Variants in UVSSA observed in about 807,000 individuals in gnomAD.
UVSSA encodes the protein UV-stimulated scaffold protein A.
A neutral mutation model predicts 73.9 loss-of-function variants in UVSSA; 72 were observed. The ratio of observed to expected loss-of-function variants is 0.97; its 90% CI spans 0.81 to 1.19. The LOEUF is 1.19. UVSSA is among the 50% of genes most tolerant of loss of function. The pLI is 0.00. For synonymous variants in UVSSA, 454 were observed against 391.3 expected (o/e 1.16, Z -1.89); for missense variants, 1,150 against 965.0 (o/e 1.19, Z -2.54).
chr4:1,348,300 C>A (rs1002496895), intron 2 of UVSSA, 111 bp downstream of exon 2: 2 of 811,728 alleles, frequency 2.5e-6, no homozygotes, highest in South Asian at 1.5e-5. Flanking sequence ...AGGGACACAC[C>A]CAGGACATTT....
At chr4:1,374,586 C>T (rs563136973) in intron 8 of UVSSA, among the ~76,000 whole-genome samples, 49 of 152,350 alleles carry the variant, frequency 3.2e-4, no homozygotes, top group African/African-American at 9.6e-4. Context: ...GTTGGTGAGA[C>T]GCAGCGCCAT....
intron 3 of UVSSA, 51 bp downstream of exon 3, chr4:1,349,905 G>C: frequency 6.9e-7 from 1 of 1,442,618 alleles, no homozygotes; most frequent in East Asian, 2.4e-5. Context: ...GACGTGAGGA[G>C]GGCAGACGAT....
chr4:1,380,793 T>A (rs751386022), intron 11 of UVSSA, 87 bp from the exon 12 acceptor site: 8 of 1,589,796 alleles, frequency 5.0e-6, no homozygotes, highest in Non-Finnish European at 6.0e-6. Context: ...CTGGTCGCTG[T>A]TTGTGCCCAA....
In UVSSA at chr4:1,347,276, C is replaced by G. The variant is rs935073125; in HGVS notation, c.-487C>G. 1 of 143,998 alleles carries G rather than the reference C, an allele frequency of 6.9e-6. No individual in the cohort carries two copies. Among genetic ancestry groups the G allele is most frequent in the Non-Finnish European group, 1.6e-5 (1 of 62,954 alleles). The allele number at this position is 143,998 out of a possible 1,614,324, so 8.9% of individuals were successfully genotyped here. On this transcript the variant is annotated 5_prime_UTR_variant, in exon 1 of 14. Transcript: ENST00000389851. ...CTGCCGGGCGGGGGTCGCGCCGGTT[C>G]GGTCCCCGGGGCTCTGCGGGCGCCG...
chr4:1,350,821 C>T (rs1375177573), intron 3 of UVSSA, among the ~76,000 whole-genome samples: 8 of 151,712 alleles, frequency 5.3e-5, no homozygotes, highest in Non-Finnish European at 7.4e-5. Context: ...CTCTTGGCCA[C>T]GCATGGGTGC....
exon 14 of UVSSA, chr4:1,395,668 C>G (rs758148371): frequency 6.7e-7 from 1 of 1,496,816 alleles, no homozygotes; most frequent in Non-Finnish European, 9.0e-7. Context: ...CCTGCCTGCT[C>G]ACACACGTGC....
chr4:1,355,618 C>A (rs546997904), intron 7 of UVSSA, among the ~76,000 whole-genome samples: 11 of 152,328 alleles, frequency 7.2e-5, no homozygotes, highest in African/African-American at 2.4e-4. Flanking sequence ...AGAGGAGAGA[C>A]CCTCGGCAAA....
chr4:1,353,121 G>A lies in UVSSA; in HGVS notation c.642G>A (p.Thr214=), dbSNP rs144411768. 9.9e-6 allele frequency: 16 copies of A among 1,613,054 alleles called. No homozygotes were observed. The highest frequency in any genetic ancestry group is 4.0e-5 in the African/African-American group (3 of 75,066). ...VPFDFDPNPE[T]ESLGMASGMS... Reference sequence around the variant, plus strand: ...TTGACTTTGACCCGAACCCGGAGACGGAATCCCTTGGCATGGCTTCTGGCA... The same window carrying A: ...TTGACTTTGACCCGAACCCGGAGACAGAATCCCTTGGCATGGCTTCTGGCA... Residue 214 remains threonine, a synonymous_variant, in exon 5 of 14, where the codon ACG becomes ACA. Coordinates refer to ENST00000389851, the MANE Select transcript of UVSSA (RefSeq NM_020894.4).
At position 1,372,861 on chromosome 4, in the gene UVSSA, T is replaced by TGCACTCACCTCCCGTGTCTCAGG. The variant is rs1560469415; in HGVS notation, c.1289-2489_1289-2488insTGTCTCAGGGCACTCACCTCCCG. Among the ~76,000 whole-genome samples the TGCACTCACCTCCCGTGTCTCAGG allele has an allele frequency of 9.9e-4, 31 of 31,424 alleles. 3 individuals carry two copies. Among genetic ancestry groups the TGCACTCACCTCCCGTGTCTCAGG allele is most frequent in the Non-Finnish European group, 5.4e-3 (27 of 4,990 alleles). 20.6% of individuals were successfully genotyped at this position (31,424 alleles called of 152,430 possible). On this transcript the variant is annotated intron_variant, in intron 8 of 13. Transcript: ENST00000389851. Reference sequence around the variant, plus strand: ...TCAGGGCACTCACCTCCCGCGTCCCTGCACTCACCTCCCGCGTCTCAGGGC... The same window carrying TGCACTCACCTCCCGTGTCTCAGG: ...TCAGGGCACTCACCTCCCGCGTCCCTGCACTCACCTCCCGTGTCTCAGGGCACTCACCTCCCGCGTCTCAGGGC...
chr4:1,367,510 G>A (rs937456806), intron 8 of UVSSA, among the ~76,000 whole-genome samples: 10 of 152,154 alleles, frequency 6.6e-5, no homozygotes, highest in African/African-American at 9.7e-5. Context: ...GGCTTCTAAC[G>A]ACCTTCCATT....
At chr4:1,347,836 G>C (rs1713946776) in intron 1 of UVSSA, 76 bp downstream of exon 1, 1 of 417,684 alleles carries the variant, frequency 2.4e-6, no homozygotes, top group East Asian at 4.3e-5. Context: ...TTTAACGCAC[G>C]ACCCTCAATG....
chr4:1,362,284 G>A (rs1048129134), intron 7 of UVSSA, among the ~76,000 whole-genome samples: 2 of 152,220 alleles, frequency 1.3e-5, no homozygotes, highest in Non-Finnish European at 2.9e-5. Flanking sequence ...GGGTGGTCTT[G>A]GCTCTCCATG....
chr4:1,357,816 C>T (rs1716009974), intron 7 of UVSSA: 1 of 152,372 alleles, frequency 6.6e-6, no homozygotes, highest in African/African-American at 2.4e-5. Flanking sequence ...GCACTAGCCC[C>T]TCCTGCCTCA....
At chr4:1,366,676 C>T (rs2109203788) in intron 8 of UVSSA, among the ~76,000 whole-genome samples, 1 of 152,370 alleles carries the variant, frequency 6.6e-6, no homozygotes, top group Admixed American at 6.5e-5. Flanking sequence ...TCCCTGCAGC[C>T]TGCCCCGCGG....
At chr4:1,352,732 G>A (rs1206603430) in intron 4 of UVSSA, among the ~76,000 whole-genome samples, 5 of 152,244 alleles carry the variant, frequency 3.3e-5, no homozygotes, top group Admixed American at 1.3e-4. Context: ...CAGGCGGATC[G>A]CCTGAGTCCA....
At chr4:1,346,656 C>G (rs1200374733), upstream of UVSSA, among the ~76,000 whole-genome samples, 1 of 152,054 alleles carries the variant, frequency 6.6e-6, no homozygotes, top group Non-Finnish European at 1.5e-5. Flanking sequence ...GGGCGCCCTG[C>G]GCGGGGCGAG....
Position 1,351,740 on chromosome 4 carries a change from G to C in UVSSA, c.455G>C (p.Arg152Pro). Residue 152 changes from arginine (R) to proline (P), a missense_variant, in exon 4 of 14, where the codon CGG (arginine) becomes CCG (proline). Coordinates refer to ENST00000389851, the MANE Select transcript of UVSSA (RefSeq NM_020894.4). ...KKVDFQDTNA[R>P]SLAERKREEE... ...GTGGATTTTCAAGACACGAATGCTC[G>C]GAGTCTGGCAGAAAGGAAGAGAGAA... is the stretch of plus-strand genomic sequence containing the variant. 1 of 1,613,460 alleles carries C rather than the reference G, an allele frequency of 6.2e-7. No homozygotes were observed. The highest frequency in any genetic ancestry group is 8.5e-7 in the Non-Finnish European group (1 of 1,179,746).
rs1560469407 is a variant in UVSSA at position 1,372,861 on chromosome 4, T to TCCCGCGTCTCAGG, written c.1289-2503_1289-2502insCCCGCGTCTCAGG. Reference sequence around the variant, plus strand: ...TCAGGGCACTCACCTCCCGCGTCCCTGCACTCACCTCCCGCGTCTCAGGGC... The same window carrying TCCCGCGTCTCAGG: ...TCAGGGCACTCACCTCCCGCGTCCCTCCCGCGTCTCAGGGCACTCACCTCCCGCGTCTCAGGGC... On this transcript the variant is annotated intron_variant, in intron 8 of 13. Coordinates refer to ENST00000389851, the MANE Select transcript of UVSSA (RefSeq NM_020894.4). 5.1e-4 allele frequency among the ~76,000 whole-genome samples: 16 copies of TCCCGCGTCTCAGG among 31,402 alleles called. 3 individuals are homozygous for TCCCGCGTCTCAGG. Among genetic ancestry groups the TCCCGCGTCTCAGG allele is most frequent in the Non-Finnish European group, 1.4e-3 (7 of 4,976 alleles). 20.6% of individuals were successfully genotyped at this position (31,402 alleles called of 152,430 possible).
intron 7 of UVSSA, among the ~76,000 whole-genome samples, chr4:1,362,296 C>T (rs143435154): frequency 1.3e-5 from 2 of 152,150 alleles, no homozygotes; most frequent in East Asian, 1.9e-4. Context: ...CTCTCCATGT[C>T]GAGGGGTCTA....
Sources: allele counts gnomAD v4.1 joint callset (sites outside exome capture counted in the v4.1 genomes callset), GRCh38; gene constraint gnomAD v4.1.1; transcripts MANE v1.5; gene names NCBI Gene and HGNC (gene_info 2026-07-23, HGNC 2026-07-21).